LAMC1: variants seen among roughly 807,000 people sequenced by gnomAD.
LAMC1 encodes laminin subunit gamma 1, also known as laminin subunit gamma-1.
LAMC1 carries 38 observed loss-of-function variants against 173.6 expected under a neutral mutation model. The observed-to-expected ratio is 0.22, with a 90% CI of 0.17 to 0.29. The LOEUF (loss-of-function observed/expected upper bound fraction) is 0.29. Ranked by LOEUF, LAMC1 falls within the 10% of genes least tolerant of loss-of-function variation. The pLI is 1.00. For synonymous variants in LAMC1, 746 were observed against 749.1 expected, an observed-to-expected ratio of 1.00 and a Z score of 0.07; for missense variants, 1,824 against 2,051.8, an observed-to-expected ratio of 0.89 and a Z score of 2.14.
At chr1:183,106,161 A>G (rs989319527) in intron 2 of LAMC1, among the ~76,000 whole-genome samples, 1 of 152,188 alleles carries the variant, frequency 6.6e-6, no homozygotes, top group Non-Finnish European at 1.5e-5. Flanking sequence ...TGCAGGGTCT[A>G]GCTCCGGGGT....
chr1:183,025,743 T>A (rs1194053894), intron 1 of LAMC1, among the ~76,000 whole-genome samples: 1 of 152,248 alleles, frequency 6.6e-6, no homozygotes, highest in African/African-American at 2.4e-5. Flanking sequence ...TTTCAGATTT[T>A]AAAATTTTCA....
At chr1:183,071,143 A>G (rs773817479) in intron 1 of LAMC1, among the ~76,000 whole-genome samples, 11 of 148,646 alleles carry the variant, frequency 7.4e-5, no homozygotes, top group South Asian at 2.1e-4. Flanking sequence ...GCATCTCTCT[A>G]TATGAAACTT....
At position 183,023,645 on chromosome 1, in the gene LAMC1, G is replaced by C; in HGVS notation, c.-72G>C. 9.1e-7 allele frequency: 1 copy of C among 1,102,758 alleles called. No individual in the cohort carries two copies. Among genetic ancestry groups the C allele is most frequent in the Middle Eastern group, 3.8e-4 (1 of 2,622 alleles). 68.3% of individuals were successfully genotyped at this position (1,102,758 alleles called of 1,614,324 possible). On this transcript the variant is annotated 5_prime_UTR_variant, in exon 1 of 28. Coordinates refer to ENST00000258341, the MANE Select transcript of LAMC1 (RefSeq NM_002293.4). ...GGCTCAAGCAGCGAAGCGGCCTCCG[G>C]GGGACGCCGCTAGGCGAGAGGAACG... is the stretch of plus-strand genomic sequence containing the variant.
rs12086925 is a variant in LAMC1 at position 183,110,632 on chromosome 1, G to A, written c.999G>A (p.Ala333=). The A allele has an allele frequency of 5.2e-3, 8,431 of 1,613,816 alleles. 291 individuals are homozygous for A. The African/African-American group carries it at 0.086, about 16-fold the overall frequency. ...ACCGGCCGTGGAGGAGGGCAACTGCGGAAAGTGCCAGTGAATGCCTGCGTG... is the reference window on the plus strand; with the variant it reads ...ACCGGCCGTGGAGGAGGGCAACTGCAGAAAGTGCCAGTGAATGCCTGCGTG... ...FNDRPWRRAT[A]ESASECLPCD... is the part of the protein sequence containing the mutation. Residue 333 remains alanine, a synonymous_variant, in exon 4 of 28, where the codon GCG becomes GCA. Transcript: ENST00000258341.
rs1224164028 is a variant in LAMC1 at position 183,103,393 on chromosome 1, A to G, written c.484A>G (p.Ile162Val). ...CACCAGCCGCCCGGAGAGCTTTGCC[A>G]TTTACAAGCGCACACGGGAAGACGG... is the stretch of plus-strand genomic sequence containing the variant. ...FHTSRPESFA[I>V]YKRTREDGPW... is the part of the protein sequence containing the mutation. Residue 162 changes from isoleucine (I) to valine (V), a missense_variant, in exon 2 of 28, where the codon ATT becomes GTT. Physicochemically the swap from Ile to Val is conservative, Grantham distance 29 (BLOSUM62 3). Coordinates refer to ENST00000258341, the MANE Select transcript of LAMC1 (RefSeq NM_002293.4). 6.2e-7 allele frequency: 1 copy of G among 1,614,160 alleles called. No individual in the cohort carries two copies. The highest frequency in any genetic ancestry group is 2.2e-5 in the East Asian group (1 of 44,876).
Position 183,135,077 on chromosome 1 carries a change from C to A in LAMC1, c.4035C>A (p.Ala1345=). The change falls in exon 24 of 28, where the codon GCC becomes GCA. Residue 1345 remains alanine (A), a synonymous_variant. Transcript: ENST00000258341. Reference sequence around the variant, plus strand: ...AACTCCTAGCCCGAGCTGATGCTGCCAAGGCCCTCGCTGAAGAAGCTGCAA... The same window carrying A: ...AACTCCTAGCCCGAGCTGATGCTGCAAAGGCCCTCGCTGAAGAAGCTGCAA... ...ADQLLARADA[A]KALAEEAAKK... The A allele has an allele frequency of 6.2e-7, 1 of 1,614,112 alleles. No individual in the cohort carries two copies. Among genetic ancestry groups the A allele is most frequent in the Middle Eastern group, 1.6e-4 (1 of 6,062 alleles).
chr1:183,091,619 C>G (rs1292384624), intron 1 of LAMC1, among the ~76,000 whole-genome samples: 3 of 152,050 alleles, frequency 2.0e-5, no homozygotes, highest in Non-Finnish European at 4.4e-5. Flanking sequence ...ATAAATATTT[C>G]TATGCTAGTC....
chr1:183,134,887 C>A, intron 23 of LAMC1, 78 bp downstream of exon 23: 1 of 1,455,016 alleles, frequency 6.9e-7, no homozygotes, highest in Non-Finnish European at 9.5e-7. Flanking sequence ...TGATGCCGTA[C>A]TTTCAGAGAC....
intron 1 of LAMC1, among the ~76,000 whole-genome samples, chr1:183,084,308 A>C (rs1478155680): frequency 6.6e-6 from 1 of 150,766 alleles, no homozygotes; most frequent in Non-Finnish European, 1.5e-5. Context: ...GCGCCGCCGC[A>C]CTCCAGCCTG....
At chr1:183,133,616 T>C in intron 22 of LAMC1, 66 bp downstream of exon 22, 1 of 1,419,792 alleles carries the variant, frequency 7.0e-7, no homozygotes, top group Non-Finnish European at 9.5e-7. Context: ...GAGAGCCGAC[T>C]GCTCTGCACC....
intron 1 of LAMC1, among the ~76,000 whole-genome samples, chr1:183,030,003 C>A (rs373114734): frequency 2.6e-5 from 4 of 152,192 alleles, no homozygotes; most frequent in East Asian, 1.9e-4. Context: ...CCAGTCCTGC[C>A]TATTTTTGTA....
At chr1:183,044,430 G>A (rs570002232) in intron 1 of LAMC1, among the ~76,000 whole-genome samples, 2 of 152,200 alleles carry the variant, frequency 1.3e-5, no homozygotes, top group Admixed American at 6.5e-5. Flanking sequence ...CACCCAGCGT[G>A]GGAACCGTGT....
At chr1:183,072,825 A>C (rs1309166749) in intron 1 of LAMC1, among the ~76,000 whole-genome samples, 10 of 152,224 alleles carry the variant, frequency 6.6e-5, no homozygotes, top group African/African-American at 2.4e-4. Flanking sequence ...TGAAATGTGC[A>C]TGTGAGGGAT....
chr1:183,117,991 A>T, intron 10 of LAMC1, 43 bp from the exon 11 acceptor site: 1 of 1,153,890 alleles, frequency 8.7e-7, no homozygotes, highest in South Asian at 1.3e-5. Context: ...AACATCCAGA[A>T]TTGTCCTTAC....
At chr1:183,119,084 A>G (rs1359305125) in intron 11 of LAMC1, among the ~76,000 whole-genome samples, 1 of 151,984 alleles carries the variant, frequency 6.6e-6, no homozygotes, top group Non-Finnish European at 1.5e-5. Context: ...TTTAGTAGAG[A>G]TGGGGTTTTA....
At chr1:183,025,328 G>C (rs1347794538) in intron 1 of LAMC1, among the ~76,000 whole-genome samples, 4 of 111,706 alleles carry the variant, frequency 3.6e-5, no homozygotes, top group Non-Finnish European at 8.2e-5. Flanking sequence ...AGAAAGAATT[G>C]GACTTAACAA....
In LAMC1 at chr1:183,128,477, A is replaced by ATTTT. The variant is rs1184375887; in HGVS notation, c.3124-117_3124-116insTTTT. On this transcript the variant is annotated intron_variant, in intron 17 of 27. Transcript: ENST00000258341. ...TTAAAGTATAATAATAATTAAAAAA[A>ATTTT]AAAAAAAAGAACTACATATTCATGG... 76 of 729,986 alleles carry ATTTT rather than the reference A, an allele frequency of 1.0e-4. No individual in the cohort carries two copies. In the African/African-American group the frequency reaches 1.3e-3, roughly 13 times the overall value. 45.2% of individuals were successfully genotyped at this position (729,986 alleles called of 1,614,324 possible).
intron 1 of LAMC1, among the ~76,000 whole-genome samples, chr1:183,079,851 CA>C: frequency 6.6e-6 from 1 of 152,112 alleles, no homozygotes; most frequent in African/African-American, 2.4e-5. Context: ...AGAATTCTGC[CA>C]AAAAGAAACA....
chr1:183,030,166 A>T (rs1653812011), intron 1 of LAMC1, among the ~76,000 whole-genome samples: 2 of 152,370 alleles, frequency 1.3e-5, no homozygotes, highest in South Asian at 2.1e-4. Flanking sequence ...GTAACAAAGC[A>T]TTGTCTGTGG....
Sources: allele counts gnomAD v4.1 joint callset (sites outside exome capture counted in the v4.1 genomes callset), GRCh38; gene constraint gnomAD v4.1.1; transcripts MANE v1.5; gene names NCBI Gene and HGNC (gene_info 2026-07-23, HGNC 2026-07-21).